The following RBFOX1 variants were observed in gnomAD, a reference collection of about 807,000 sequenced individuals.
RBFOX1 encodes RNA binding fox-1 homolog 1, also known as RNA binding protein fox-1 homolog 1.
A neutral mutation model predicts 57.7 loss-of-function variants in RBFOX1; 8 were observed. The ratio of observed to expected loss-of-function variants is 0.14; its 90% CI spans 0.08 to 0.25. The LOEUF is 0.25. Among genes scored for constraint, RBFOX1 ranks in the 10% least tolerant of loss-of-function variants. The pLI, the probability that RBFOX1 is intolerant of heterozygous loss-of-function variation, is 1.00. For missense variants in RBFOX1, 611 were observed against 548.5 expected (o/e 1.11, Z -1.14); for synonymous variants, 326 against 222.4 (o/e 1.47, Z -4.15).
At chr16:6,280,002 C>T (rs1395269121) in intron 1 of RBFOX1, among the ~76,000 whole-genome samples, 1 of 151,700 alleles carries the variant, frequency 6.6e-6, no homozygotes, top group Non-Finnish European at 1.5e-5. Context: ...GGGGACATTA[C>T]AGAAGCCTAT....
intron 1 of RBFOX1, among the ~76,000 whole-genome samples, chr16:5,427,884 C>G (rs1053419099): frequency 2.6e-5 from 4 of 152,200 alleles, no homozygotes; most frequent in East Asian, 1.9e-4. Context: ...GTGTGACCAT[C>G]TATCTGGGCA....
intron 3 of RBFOX1, among the ~76,000 whole-genome samples, chr16:5,837,551 G>T (rs981592337): frequency 2.6e-5 from 4 of 151,526 alleles, no homozygotes; most frequent in African/African-American, 9.7e-5. Context: ...CCTTGTGTTG[G>T]GGCAGGAGGA....
At chr16:6,895,988 T>C (rs1434927777) in intron 3 of RBFOX1, among the ~76,000 whole-genome samples, 1 of 152,112 alleles carries the variant, frequency 6.6e-6, no homozygotes, top group East Asian at 1.9e-4. Context: ...AGGCATGCTG[T>C]GTGAAATAAT....
intron 4 of RBFOX1, among the ~76,000 whole-genome samples, chr16:7,389,385 C>G (rs757125123): frequency 1.2e-4 from 18 of 152,170 alleles, no homozygotes; most frequent in Non-Finnish European, 1.5e-5. Context: ...CTCAGCCTCC[C>G]AAAGCACTTG....
chr16:5,670,425 A>G (rs569726102), intron 3 of RBFOX1, among the ~76,000 whole-genome samples: 5 of 152,370 alleles, frequency 3.3e-5, no homozygotes, highest in South Asian at 2.1e-4. Context: ...GCCCATGTCC[A>G]TAGGTGCCAT....
chr16:7,705,711 T>G (rs1429184462), intron 14 of RBFOX1, among the ~76,000 whole-genome samples: 2 of 152,070 alleles, frequency 1.3e-5, no homozygotes, highest in Non-Finnish European at 2.9e-5. Context: ...TTGAGAGATT[T>G]GATACATGTA....
intron 2 of RBFOX1, among the ~76,000 whole-genome samples, chr16:6,371,445 G>A (rs937522436): frequency 3.9e-5 from 6 of 152,030 alleles, no homozygotes; most frequent in African/African-American, 9.7e-5. Context: ...GGTTACTTTC[G>A]TTATTTGTTT....
rs572686986 is a variant in RBFOX1 at position 6,535,030 on chromosome 16, CT to C, written c.-63-119572del. Reference sequence around the variant, plus strand: ...AAGGACAGTCATTCATGACACAGGTCTGCTACAGCATTGGATTCCGCATCCT... The same window carrying C: ...AAGGACAGTCATTCATGACACAGGTCGCTACAGCATTGGATTCCGCATCCT... On this transcript the variant is annotated intron_variant, in intron 2 of 15. Coordinates refer to ENST00000550418, the MANE Select transcript of RBFOX1 (RefSeq NM_018723.4). Among the ~76,000 whole-genome samples the C allele has an allele frequency of 2.8e-3, 433 of 152,276 alleles. 1 individual carries two copies. Among genetic ancestry groups the C allele is most frequent in the Middle Eastern group, 0.02 (6 of 294 alleles).
rs1209273610 is a variant in RBFOX1, at chr16:7,154,240, C to T, written c.27+102142C>T. 2.6e-5 allele frequency among the ~76,000 whole-genome samples: 4 copies of T among 152,162 alleles called. No individual in the cohort carries two copies. In the East Asian group the frequency reaches 5.8e-4, roughly 22 times the overall value. On this transcript the variant is annotated intron_variant, in intron 4 of 15. Transcript: ENST00000550418. Reference sequence around the variant, plus strand: ...GTTACTGCCTTGGAGGATCTTCATTCAGTCGGAGGAAGACATGGCAGAGAT... The same window carrying T: ...GTTACTGCCTTGGAGGATCTTCATTTAGTCGGAGGAAGACATGGCAGAGAT...
intron 5 of RBFOX1, among the ~76,000 whole-genome samples, chr16:7,568,633 C>G (rs1442904555): frequency 1.3e-5 from 2 of 151,996 alleles, no homozygotes; most frequent in Admixed American, 1.3e-4. Context: ...TGCCTGTAAT[C>G]CCAGCACTGT....
At chr16:7,563,378 C>A (rs368149577) in intron 5 of RBFOX1, among the ~76,000 whole-genome samples, 1 of 152,152 alleles carries the variant, frequency 6.6e-6, no homozygotes, top group African/African-American at 2.4e-5. Context: ...AGATAGGAAG[C>A]AGTGAAGCTG....
In RBFOX1 at chr16:6,773,335, G is replaced by T. The variant is rs189895380; in HGVS notation, c.-16+118685G>T. 2.9e-3 allele frequency among the ~76,000 whole-genome samples: 422 copies of T among 145,728 alleles called. 3 individuals carry two copies. Among genetic ancestry groups the T allele is most frequent in the African/African-American group, 0.011 (410 of 38,930 alleles). Reference sequence around the variant, plus strand: ...GTTTGGGTATGGGGTGCATTTCTGTGCATGTGTATGTGTGGATATGGGGTG... The same window carrying T: ...GTTTGGGTATGGGGTGCATTTCTGTTCATGTGTATGTGTGGATATGGGGTG... On this transcript the variant is annotated intron_variant, in intron 3 of 15. Coordinates refer to ENST00000550418, the MANE Select transcript of RBFOX1 (RefSeq NM_018723.4).
At chr16:6,992,287 G>A (rs959227470) in intron 3 of RBFOX1, among the ~76,000 whole-genome samples, 2 of 151,618 alleles carry the variant, frequency 1.3e-5, no homozygotes, top group East Asian at 1.9e-4. Flanking sequence ...GTGCAATCTC[G>A]GCTCATTGCA....
intron 2 of RBFOX1, among the ~76,000 whole-genome samples, chr16:6,356,360 C>T (rs1568006473): frequency 1.3e-5 from 2 of 152,178 alleles, no homozygotes; most frequent in East Asian, 1.9e-4. Context: ...ATCACTTAAC[C>T]CCAGGAGATT....
At chr16:6,412,171 C>T (rs1023638267) in intron 2 of RBFOX1, among the ~76,000 whole-genome samples, 2 of 149,298 alleles carry the variant, frequency 1.3e-5, no homozygotes, top group African/African-American at 2.5e-5. Context: ...CAAAAAAAAA[C>T]ATGGCCCTTT....
rs1567923026 is a variant in RBFOX1 at position 6,317,188 on chromosome 16, C to T, written c.-64+131C>T. On this transcript the variant is annotated intron_variant, in intron 2 of 15. Transcript: ENST00000550418. ...CTTTGCTGCCTGCCTATGTCTTTCTCTTCTGCCCTATTGTATCAGAGATGA... is the reference window on the plus strand; with the variant it reads ...CTTTGCTGCCTGCCTATGTCTTTCTTTTCTGCCCTATTGTATCAGAGATGA... The T allele has an allele frequency of 4.9e-6, 4 of 822,152 alleles. No homozygotes were observed. In the African/African-American group the frequency reaches 5.1e-5, roughly 11 times the overall value. 50.9% of individuals were successfully genotyped at this position (822,152 alleles called of 1,614,324 possible).
intron 4 of RBFOX1, among the ~76,000 whole-genome samples, chr16:7,134,601 C>T (rs556830518): frequency 3.9e-5 from 6 of 152,148 alleles, no homozygotes; most frequent in Non-Finnish European, 8.8e-5. Flanking sequence ...CCCCTGCCTC[C>T]TCTCCCTTCA....
chr16:6,529,139 A>G (rs768852877), intron 2 of RBFOX1, among the ~76,000 whole-genome samples: 2 of 152,186 alleles, frequency 1.3e-5, no homozygotes, highest in African/African-American at 4.8e-5. Context: ...TTGTGCCTCC[A>G]TCTGTTACCC....
intron 4 of RBFOX1, among the ~76,000 whole-genome samples, chr16:5,961,106 C>T (rs2059738957): frequency 6.6e-6 from 1 of 152,210 alleles, no homozygotes; most frequent in Non-Finnish European, 1.5e-5. Flanking sequence ...TAACCTCTCA[C>T]AACCCTCTGG....
Sources: allele counts gnomAD v4.1 joint callset (sites outside exome capture counted in the v4.1 genomes callset), GRCh38; gene constraint gnomAD v4.1.1; transcripts MANE v1.5; gene names NCBI Gene and HGNC (gene_info 2026-07-23, HGNC 2026-07-21).